The following GDPD5 variants were observed in gnomAD, a reference collection of about 807,000 sequenced individuals.
GDPD5 encodes the protein glycerophosphodiester phosphodiesterase domain containing 5, also known as glycerophosphodiester phosphodiesterase 2.
In GDPD5, 48 loss-of-function variants were observed where a neutral mutation model predicts 75.1. The observed-to-expected ratio is 0.64, with a 90% CI of 0.51 to 0.81. The LOEUF is 0.81. Ranked by LOEUF, GDPD5 falls within the 40% of genes least tolerant of loss-of-function variation. GDPD5 has a pLI of 0.00. For synonymous variants in GDPD5, 336 were observed against 339.0 expected (o/e 0.99, Z 0.10); for missense variants, 706 against 822.6 (o/e 0.86, Z 1.73).
intron 6 of GDPD5, chr11:75,450,960 C>T: frequency 6.6e-6 from 1 of 152,462 alleles, no homozygotes; most frequent in Non-Finnish European, 1.5e-5. Context: ...TGTCCTTCTC[C>T]CACAGCACTG....
chr11:75,457,854 G>T lies in GDPD5; in HGVS notation c.222-68C>A, dbSNP rs191019050. The T allele has an allele frequency of 6.1e-5, 75 of 1,237,526 alleles. No homozygotes were observed. In the African/African-American group the frequency reaches 9.6e-4, roughly 16 times the overall value. The allele number at this position is 1,237,526 out of a possible 1,614,324, so 76.7% of individuals were successfully genotyped here. A position where few individuals can be genotyped will look rare whatever the true frequency, so the allele number is the denominator to read the frequency against. ...CACTACCTGGCCCAGGAATCAGGATGGTCTGAGCCTCCACACAGACGACAG... is the reference window on the plus strand; with the variant it reads ...CACTACCTGGCCCAGGAATCAGGATTGTCTGAGCCTCCACACAGACGACAG... On this transcript the variant is annotated intron_variant, in intron 4 of 16. Transcript: ENST00000336898.
At chr11:75,496,715 G>A (rs763442439) in intron 1 of GDPD5, among the ~76,000 whole-genome samples, 1 of 151,594 alleles carries the variant, frequency 6.6e-6, no homozygotes, top group Non-Finnish European at 1.5e-5. Context: ...TTCTATGTAC[G>A]CTATCTGACG....
intron 6 of GDPD5, chr11:75,451,753 T>C (rs1949162083): frequency 6.6e-6 from 1 of 152,224 alleles, no homozygotes; most frequent in African/African-American, 2.4e-5. Context: ...CGACTTGCAA[T>C]AAAACTGATT....
intron 2 of GDPD5, among the ~76,000 whole-genome samples, chr11:75,481,073 G>A (rs1949904614): frequency 6.6e-6 from 1 of 152,174 alleles, no homozygotes; most frequent in African/African-American, 2.4e-5. Context: ...CGAGCCTTAT[G>A]GTAAGTGCAG....
intron 15 of GDPD5, chr11:75,439,277 G>A: frequency 2.2e-6 from 1 of 453,588 alleles, no homozygotes; most frequent in South Asian, 1.6e-5. Context: ...GACAGAACTG[G>A]AGAAGGGATG....
Position 75,504,710 on chromosome 11 carries a change from G to C in GDPD5, c.-144-14390C>G, listed in dbSNP as rs537899451. Among the ~76,000 whole-genome samples, 15 of 152,302 alleles carry C rather than the reference G, an allele frequency of 9.8e-5. No individual in the cohort carries two copies. The East Asian group carries it at 2.7e-3, about 27-fold the overall frequency. On this transcript the variant is annotated intron_variant, in intron 1 of 16. Transcript: ENST00000336898. ...TAGGTATAGAGTCTCAGTTTTGCAA[G>C]ATGAAAAAGCTCTGGAGATCTGTTG...
At chr11:75,442,131 G>C (rs948546269) in intron 12 of GDPD5, among the ~76,000 whole-genome samples, 1 of 152,328 alleles carries the variant, frequency 6.6e-6, no homozygotes, top group South Asian at 2.1e-4. Flanking sequence ...CCAAACGACA[G>C]GGCAACACTT....
intron 16 of GDPD5, 37 bp from the exon 17 acceptor site, chr11:75,435,692 AGG>A: frequency 1.9e-6 from 3 of 1,566,296 alleles, no homozygotes; most frequent in Non-Finnish European, 2.6e-6. Context: ...TGAGTCGGGG[AGG>A]AGGCAGTCGT....
intron 6 of GDPD5, chr11:75,452,763 T>C (rs1337071341): frequency 2.0e-5 from 3 of 152,296 alleles, no homozygotes; most frequent in African/African-American, 7.2e-5. Flanking sequence ...TAGAGGCTGA[T>C]GGAGCCTTGG....
At chr11:75,458,867 T>G (rs1225286902) in intron 4 of GDPD5, among the ~76,000 whole-genome samples, 1 of 152,054 alleles carries the variant, frequency 6.6e-6, no homozygotes, top group Non-Finnish European at 1.5e-5. Flanking sequence ...ACTGAAGCTT[T>G]GACCTCCTGG....
At chr11:75,508,148 G>A (rs565239607) in intron 1 of GDPD5, 1 of 152,290 alleles carries the variant, frequency 6.6e-6, no homozygotes, top group African/African-American at 2.4e-5. Flanking sequence ...ATGGTCCCAG[G>A]GGAAAGGTCA....
At chr11:75,517,806 T>C (rs1173897253) in intron 1 of GDPD5, among the ~76,000 whole-genome samples, 2 of 146,730 alleles carry the variant, frequency 1.4e-5, no homozygotes, top group African/African-American at 5.0e-5. Flanking sequence ...CTCCCCTAGA[T>C]TAAAAAAAAA....
chr11:75,449,018 C>A lies in GDPD5; in HGVS notation c.673G>T (p.Gly225Cys). Residue 225 changes from glycine to cysteine, a missense_variant, in exon 9 of 17, where the codon GGC becomes TGC. Physicochemically the swap from Gly to Cys is radical, Grantham distance 159. Coordinates refer to ENST00000336898, the MANE Select transcript of GDPD5 (RefSeq NM_030792.8). ...SPCIMEKKDL[G>C]PKPALIGHRG... ...TGGCCAATGAGAGCAGGCTTGGGGC[C>A]GAGGTCTTTCTTCTCCATGATGCAG... 1 of 1,605,374 alleles carries A rather than the reference C, an allele frequency of 6.2e-7. No homozygotes were observed. Among genetic ancestry groups the A allele is most frequent in the Non-Finnish European group, 8.5e-7 (1 of 1,177,504 alleles).
rs565564138 is a variant in GDPD5 at position 75,523,739 on chromosome 11, G to A, written c.-145+1471C>T. Among the ~76,000 whole-genome samples, 5 of 152,308 alleles carry A rather than the reference G, an allele frequency of 3.3e-5. No homozygotes were observed. The South Asian group carries it at 1.0e-3, about 32-fold the overall frequency. On this transcript the variant is annotated intron_variant, in intron 1 of 16. Transcript: ENST00000336898. ...GTTTAGACATAGAGATTATTGCGAGGATTTGAAGCCCCAGACAGAGGTCTG... is the reference window on the plus strand; with the variant it reads ...GTTTAGACATAGAGATTATTGCGAGAATTTGAAGCCCCAGACAGAGGTCTG...
chr11:75,518,872 T>C lies in GDPD5; in HGVS notation c.-145+6338A>G, dbSNP rs187656252. ...GGGTGAGAGAGTGAGACATTCTTCG[T>C]GGCATTTTTTTTAAAGAGTCCACTC... On this transcript the variant is annotated intron_variant, in intron 1 of 16. Transcript: ENST00000336898. Among the ~76,000 whole-genome samples the C allele has an allele frequency of 2.0e-4, 30 of 152,246 alleles. No individual in the cohort carries two copies. The East Asian group carries it at 5.8e-3, about 29-fold the overall frequency.
intron 3 of GDPD5, among the ~76,000 whole-genome samples, chr11:75,474,755 C>A (rs1405135021): frequency 6.6e-6 from 1 of 152,206 alleles, no homozygotes; most frequent in Non-Finnish European, 1.5e-5. Context: ...CACTTCAGGG[C>A]CCAGGGCTGG....
intron 2 of GDPD5, among the ~76,000 whole-genome samples, chr11:75,489,000 C>A (rs1950062731): frequency 6.6e-6 from 1 of 152,128 alleles, no homozygotes; most frequent in Non-Finnish European, 1.5e-5. Flanking sequence ...TGCACTGGGC[C>A]TGGCACCAAG....
intron 1 of GDPD5, chr11:75,516,129 TCA>T (rs1950634493): frequency 6.6e-6 from 1 of 152,284 alleles, no homozygotes; most frequent in African/African-American, 2.4e-5. Context: ...CTGCTGGCTT[TCA>T]GAGAGGTACA....
chr11:75,449,200 G>A (rs1037964971), intron 8 of GDPD5, 78 bp from the exon 9 acceptor site: 13 of 1,487,056 alleles, frequency 8.7e-6, no homozygotes, highest in African/African-American at 8.6e-5. Context: ...CTCTACCCCC[G>A]ACCTGTCAGG....
Sources: allele counts gnomAD v4.1 joint callset (sites outside exome capture counted in the v4.1 genomes callset), GRCh38; gene constraint gnomAD v4.1.1; transcripts MANE v1.5; gene names NCBI Gene and HGNC (gene_info 2026-07-23, HGNC 2026-07-21).